The following CPLX2 variants were observed in gnomAD, a reference collection of about 807,000 sequenced individuals.
CPLX2 encodes the protein complexin 2, also known as complexin-2.
A neutral mutation model predicts 16.3 loss-of-function variants in CPLX2; 5 were observed. The observed-to-expected ratio is 0.31, with a 90% CI of 0.16 to 0.64. The LOEUF is 0.64. Among genes scored for constraint, CPLX2 ranks in the 30% least tolerant of loss-of-function variants. The pLI, the probability that CPLX2 is intolerant of heterozygous loss-of-function variation, is 0.79. For synonymous variants in CPLX2, 89 were observed against 73.2 expected (o/e 1.22, Z -1.10); for missense variants, 144 against 181.4 (o/e 0.79, Z 1.18).
upstream of CPLX2, among the ~76,000 whole-genome samples, chr5:175,867,428 C>T (rs1027306047): frequency 5.3e-5 from 8 of 152,150 alleles, no homozygotes; most frequent in Non-Finnish European, 1.2e-4. Context: ...CAGCAACACT[C>T]AGACATACAC....
At chr5:175,827,222 T>C (rs1279596682) in intron 2 of CPLX2, among the ~76,000 whole-genome samples, 1 of 152,202 alleles carries the variant, frequency 6.6e-6, no homozygotes, top group African/African-American at 2.4e-5. Flanking sequence ...CGTGGTCATG[T>C]GCCCTCTATG....
chr5:175,812,483 T>C (rs558765156), intron 2 of CPLX2, among the ~76,000 whole-genome samples: 1 of 152,254 alleles, frequency 6.6e-6, no homozygotes, highest in African/African-American at 2.4e-5. Context: ...GTTTGATGAG[T>C]GAATAATCAG....
rs1412824533 is a variant in CPLX2, at chr5:175,878,979, G to A, written c.103G>A (p.Glu35Lys). The A allele has an allele frequency of 4.4e-6, 7 of 1,607,780 alleles. No homozygotes were observed. The highest frequency in any genetic ancestry group is 5.9e-6 in the Non-Finnish European group (7 of 1,177,252). The change falls in exon 3 of 4, where the codon GAG becomes AAG. Residue 35 changes from glutamate to lysine, a missense_variant. Glu to Lys is a moderately conservative substitution (Grantham distance 56). Coordinates refer to ENST00000393745, the MANE Select transcript of CPLX2 (RefSeq NM_001008220.2). ...EKDPDAQKKEEERQEALRQQE... is the reference protein window; with the variant it reads ...EKDPDAQKKEKERQEALRQQE... ...GGACCCCGACGCGCAGAAAAAGGAG[G>A]AGGAGCGGCAGGAGGCGCTGCGGCA...
At chr5:175,867,061 C>A (rs1334045627), upstream of CPLX2, among the ~76,000 whole-genome samples, 1 of 152,106 alleles carries the variant, frequency 6.6e-6, no homozygotes, top group South Asian at 2.1e-4. Context: ...GGCAACAGAG[C>A]AAGACCCTGT....
intron 2 of CPLX2, among the ~76,000 whole-genome samples, chr5:175,837,369 C>T (rs964946047): frequency 2.0e-5 from 3 of 152,212 alleles, no homozygotes; most frequent in African/African-American, 7.2e-5. Flanking sequence ...CATCTGTTCC[C>T]TTTTGTCTTC....
intron 2 of CPLX2, among the ~76,000 whole-genome samples, chr5:175,844,173 C>G (rs1253677050): frequency 2.0e-5 from 3 of 152,212 alleles, no homozygotes; most frequent in Non-Finnish European, 4.4e-5. Context: ...TGGGAATCAC[C>G]AATGCCCAGC....
intron 1 of CPLX2, among the ~76,000 whole-genome samples, chr5:175,877,355 C>T (rs1025096124): frequency 1.3e-5 from 2 of 151,830 alleles, no homozygotes; most frequent in African/African-American, 4.8e-5. Context: ...GATATGACTT[C>T]TCATCTTGAG....
At chr5:175,814,334 C>T (rs1203061012) in intron 2 of CPLX2, among the ~76,000 whole-genome samples, 1 of 152,234 alleles carries the variant, frequency 6.6e-6, no homozygotes, top group Non-Finnish European at 1.5e-5. Context: ...GAGACCAGGA[C>T]AGCAGCCTGG....
chr5:175,866,503 C>A (rs1033305148), intron 2 of CPLX2, among the ~76,000 whole-genome samples: 1 of 151,662 alleles, frequency 6.6e-6, no homozygotes, highest in Non-Finnish European at 1.5e-5. Context: ...ATGAGGGGAG[C>A]TAACCAAGTG....
intron 2 of CPLX2, among the ~76,000 whole-genome samples, chr5:175,863,444 T>G (rs753325830): frequency 2.6e-5 from 4 of 152,226 alleles, no homozygotes; most frequent in Non-Finnish European, 4.4e-5. Context: ...GCTTAACCTC[T>G]CTGAGTCTGA....
intron 1 of CPLX2, among the ~76,000 whole-genome samples, chr5:175,801,918 G>A (rs893862864): frequency 4.6e-5 from 7 of 152,158 alleles, no homozygotes; most frequent in African/African-American, 1.7e-4. Context: ...AGAGTAGAGA[G>A]GAAGATAAAA....
rs771751735 is a variant in CPLX2 at position 175,879,869 on chromosome 5, G to A, written c.229G>A (p.Glu77Lys). Residue 77 changes from glutamate to lysine, a missense_variant, in exon 4 of 4, where the codon GAG becomes AAG. Coordinates refer to ENST00000393745, the MANE Select transcript of CPLX2 (RefSeq NM_001008220.2). ...CCAGTATGGGCTGAAGAAGAAGGAG[G>A]AGAAGGAAGCAGAGGAGAAAGCAGC... Reference protein sequence around the residue: ...RDKYGLKKKEEKEAEEKAALE... With the variant: ...RDKYGLKKKEKKEAEEKAALE... The A allele has an allele frequency of 1.9e-6, 3 of 1,612,600 alleles. No homozygotes were observed. The highest frequency in any genetic ancestry group is 2.5e-6 in the Non-Finnish European group (3 of 1,179,268).
chr5:175,866,756 G>T (rs1040466419), upstream of CPLX2, among the ~76,000 whole-genome samples: 6 of 152,268 alleles, frequency 3.9e-5, no homozygotes, highest in African/African-American at 1.4e-4. Flanking sequence ...TTCATATGTT[G>T]AGCCTGGTAC....
intron 2 of CPLX2, among the ~76,000 whole-genome samples, chr5:175,834,215 A>G (rs1758783014): frequency 6.6e-6 from 1 of 152,182 alleles, no homozygotes; most frequent in African/African-American, 2.4e-5. Context: ...TGGGGTAATG[A>G]CACCAACTGC....
intron 2 of CPLX2, among the ~76,000 whole-genome samples, chr5:175,821,842 T>C (rs1758515901): frequency 6.6e-6 from 1 of 152,166 alleles, no homozygotes; most frequent in South Asian, 2.1e-4. Context: ...GACATGGACT[T>C]CCCTGCAAGA....
At chr5:175,840,044 G>A (rs547386590) in intron 2 of CPLX2, among the ~76,000 whole-genome samples, 14 of 152,120 alleles carry the variant, frequency 9.2e-5, no homozygotes, top group Admixed American at 2.0e-4. Flanking sequence ...GTGACAGGTC[G>A]TTCTTACCAC....
chr5:175,814,233 A>T lies in CPLX2; in HGVS notation c.-89+5165A>T, dbSNP rs555656033. Among the ~76,000 whole-genome samples, 8 of 152,298 alleles carry T rather than the reference A, an allele frequency of 5.3e-5. No individual in the cohort carries two copies. The South Asian group carries it at 1.7e-3, about 32-fold the overall frequency. On this transcript the variant is annotated intron_variant, in intron 2 of 4. Transcript: ENST00000359546. ...CACCACAGCCTCCGGGGCAGTCCTC[A>T]CCCTGGGGAGGGCAAAGGAGGCCCC...
Position 175,880,369 on chromosome 5 carries a change from G to A in CPLX2, c.*324G>A. 1 of 418,970 alleles carries A rather than the reference G, an allele frequency of 2.4e-6. No homozygotes were observed. Among genetic ancestry groups the A allele is most frequent in the Non-Finnish European group, 4.5e-6 (1 of 221,668 alleles). 26.0% of individuals were successfully genotyped at this position (418,970 alleles called of 1,614,324 possible). ...TCCTCCCTGCTCCCCACTGCCAGGAGGACCACTGTCCCCAGCCAGCCAAAG... is the reference window on the plus strand; with the variant it reads ...TCCTCCCTGCTCCCCACTGCCAGGAAGACCACTGTCCCCAGCCAGCCAAAG... On this transcript the variant is annotated 3_prime_UTR_variant, in exon 4 of 4. Coordinates refer to ENST00000393745, the MANE Select transcript of CPLX2 (RefSeq NM_001008220.2).
chr5:175,861,952 G>C (rs556962457), intron 2 of CPLX2, among the ~76,000 whole-genome samples: 8 of 152,274 alleles, frequency 5.3e-5, no homozygotes, highest in Admixed American at 4.6e-4. Flanking sequence ...TCATTAAACA[G>C]CCACTTCCTG....
Sources: gnomAD v4.1 joint callset for allele counts (sites outside exome capture counted in the v4.1 genomes callset) on GRCh38, gnomAD v4.1.1 for gene constraint, MANE v1.5 for transcripts, NCBI Gene and HGNC (gene_info 2026-07-23, HGNC 2026-07-21) for gene names.